TUSC3: variants seen among roughly 807,000 people sequenced by gnomAD.
The protein encoded by TUSC3 is dolichyl-diphosphooligosaccharide--protein glycosyltransferase subunit TUSC3.
A neutral mutation model predicts 44.8 loss-of-function variants in TUSC3; 45 were observed. That is an observed-to-expected ratio of 1.00 (90% confidence interval 0.79 to 1.29). The LOEUF is 1.29. TUSC3 is among the 50% of genes most tolerant of loss of function. The pLI, the probability that TUSC3 is intolerant of heterozygous loss-of-function variation, is 0.00. For synonymous variants in TUSC3, 212 were observed against 152.9 expected (o/e 1.39, Z -2.85); for missense variants, 519 against 437.9 (o/e 1.19, Z -1.65).
chr8:15,706,544 G>T (rs73528562), intron 6 of TUSC3, among the ~76,000 whole-genome samples: 1 of 151,946 alleles, frequency 6.6e-6, no homozygotes, highest in Admixed American at 6.6e-5. Flanking sequence ...AAAAGGGTTT[G>T]AAGTGTTAAT....
rs185230782 is a variant in TUSC3 at position 15,631,934 on chromosome 8, C to A, written c.308+8685C>A. ...GTGTTGGCCAGGCTGGTCTTGAACT[C>A]CTGACCTCCTGATCCGCCTGCCTTG... On this transcript the variant is annotated intron_variant, in intron 2 of 10. Transcript: ENST00000503731. Among the ~76,000 whole-genome samples, 861 of 152,158 alleles carry A rather than the reference C, an allele frequency of 5.7e-3. 2 individuals carry two copies. Among genetic ancestry groups the A allele is most frequent in the Non-Finnish European group, 7.0e-3 (479 of 68,016 alleles).
intron 2 of TUSC3, among the ~76,000 whole-genome samples, chr8:15,528,111 A>G (rs1010488016): frequency 2.6e-5 from 4 of 152,220 alleles, no homozygotes; most frequent in Admixed American, 2.0e-4. Context: ...TCCTTTACCA[A>G]TAAAACATAA....
chr8:15,716,153 G>A (rs547422150), intron 6 of TUSC3, among the ~76,000 whole-genome samples: 2 of 152,216 alleles, frequency 1.3e-5, no homozygotes, highest in East Asian at 1.9e-4. Flanking sequence ...TTACTCGGGA[G>A]GCTGAGGCAG....
At chr8:15,613,330 A>C (rs1045418656) in intron 1 of TUSC3, among the ~76,000 whole-genome samples, 1 of 152,104 alleles carries the variant, frequency 6.6e-6, no homozygotes. Flanking sequence ...GATTTAAAAA[A>C]TTCCCACTGC....
chr8:15,535,791 A>G (rs766992738), upstream of TUSC3, among the ~76,000 whole-genome samples: 1 of 152,146 alleles, frequency 6.6e-6, no homozygotes, highest in African/African-American at 2.4e-5. Flanking sequence ...AGGAGTTTTA[A>G]GAAGGGGAGG....
At position 15,764,466 on chromosome 8, in the gene TUSC3, A is replaced by C; in HGVS notation, c.*310A>C. On this transcript the variant is annotated 3_prime_UTR_variant, in exon 11 of 11. Transcript: ENST00000503731. ...TCAGTGTGTGCCACAGGATTGAAATAAATGACAATGTAATTATGAATTCAT... is the reference window on the plus strand; with the variant it reads ...TCAGTGTGTGCCACAGGATTGAAATCAATGACAATGTAATTATGAATTCAT... The C allele has an allele frequency of 2.3e-6, 1 of 427,206 alleles. No homozygotes were observed. Among genetic ancestry groups the C allele is most frequent in the Non-Finnish European group, 4.4e-6 (1 of 227,284 alleles). The allele number at this position is 427,206 out of a possible 1,614,324, so 26.5% of individuals were successfully genotyped here.
intron 1 of TUSC3, 33 bp downstream of exon 1, chr8:15,540,601 G>T (rs1282088596): frequency 4.0e-6 from 6 of 1,518,454 alleles, no homozygotes; most frequent in Non-Finnish European, 5.3e-6. Flanking sequence ...TCCCCTGTGG[G>T]CGGGGGCGGG....
intron 1 of TUSC3, among the ~76,000 whole-genome samples, chr8:15,608,342 T>C (rs1804619610): frequency 6.6e-6 from 1 of 152,160 alleles, no homozygotes; most frequent in South Asian, 2.1e-4. Flanking sequence ...GTGCTTTTTG[T>C]AAACAATAAA....
At chr8:15,644,809 T>G (rs2129173093) in intron 2 of TUSC3, among the ~76,000 whole-genome samples, 1 of 152,276 alleles carries the variant, frequency 6.6e-6, no homozygotes, top group Middle Eastern at 3.4e-3. Context: ...TGACCCTGTT[T>G]CTACTGAATT....
chr8:15,459,704 G>C (rs1002389564), intron 1 of TUSC3, among the ~76,000 whole-genome samples: 30 of 152,142 alleles, frequency 2.0e-4, no homozygotes, highest in African/African-American at 7.0e-4. Context: ...TCACATATCA[G>C]TGAGAAGATA....
chr8:15,763,294 A>G (rs1812227886), intron 10 of TUSC3, among the ~76,000 whole-genome samples: 1 of 151,990 alleles, frequency 6.6e-6, no homozygotes, highest in East Asian at 1.9e-4. Flanking sequence ...CGAGGTTCAG[A>G]AAGACGAAAC....
chr8:15,526,178 G>T (rs531292346), intron 2 of TUSC3, among the ~76,000 whole-genome samples: 1 of 151,916 alleles, frequency 6.6e-6, no homozygotes, highest in East Asian at 1.9e-4. Context: ...GACTACAGGC[G>T]CCCGCCATCA....
the TUSC3 span, among the ~76,000 whole-genome samples, chr8:15,827,170 C>T: frequency 3.3e-5 from 5 of 152,110 alleles, no homozygotes; most frequent in East Asian, 1.9e-4. Context: ...CATGATCCTA[C>T]GTAACTGATG....
At chr8:15,491,964 C>G (rs985840496) in intron 2 of TUSC3, among the ~76,000 whole-genome samples, 2 of 152,222 alleles carry the variant, frequency 1.3e-5, no homozygotes, top group Admixed American at 6.5e-5. Context: ...TTCCATCTAA[C>G]TACTTATAGT....
intron 2 of TUSC3, among the ~76,000 whole-genome samples, chr8:15,530,536 T>A (rs1040253975): frequency 6.6e-6 from 1 of 152,172 alleles, no homozygotes; most frequent in African/African-American, 2.4e-5. Flanking sequence ...ATAATCTGCC[T>A]GAGGTCACAC....
chr8:15,507,951 T>C (rs2129127882), intron 2 of TUSC3, among the ~76,000 whole-genome samples: 1 of 152,162 alleles, frequency 6.6e-6, no homozygotes, highest in South Asian at 2.1e-4. Context: ...GAGTCAAAAC[T>C]TGCTCTGAGG....
At chr8:15,451,937 A>G (rs1800201021) in intron 1 of TUSC3, among the ~76,000 whole-genome samples, 3 of 152,170 alleles carry the variant, frequency 2.0e-5, no homozygotes. Context: ...TTTTTGCTAT[A>G]CAGTAGCATT....
intron 7 of TUSC3, among the ~76,000 whole-genome samples, chr8:15,743,039 G>C (rs774039188): frequency 2.6e-5 from 4 of 152,172 alleles, no homozygotes; most frequent in Non-Finnish European, 5.9e-5. Context: ...GTCTGCTTTT[G>C]TAAGATTGTT....
intron 2 of TUSC3, among the ~76,000 whole-genome samples, chr8:15,529,179 C>G (rs375371885): frequency 1.3e-5 from 2 of 152,116 alleles, no homozygotes; most frequent in Admixed American, 6.5e-5. Context: ...TGCAATCGCA[C>G]AGGTGCATGC....
Sources: gnomAD v4.1 joint callset for allele counts (sites outside exome capture counted in the v4.1 genomes callset) on GRCh38, gnomAD v4.1.1 for gene constraint, MANE v1.5 for transcripts, NCBI Gene and HGNC (gene_info 2026-07-23, HGNC 2026-07-21) for gene names.